Variants in TPD52 observed in about 807,000 individuals in gnomAD.
The protein encoded by TPD52 is prostate and colon associated protein.
Under a neutral mutation model 31.3 loss-of-function variants are expected in TPD52, and 17 were observed. That is an observed-to-expected ratio of 0.54 (90% CI 0.37 to 0.82). The LOEUF (loss-of-function observed/expected upper bound fraction) is 0.82, where lower values mean the gene tolerates loss of function less well. TPD52 is among the 40% of genes least tolerant of loss of function. The pLI, the probability that TPD52 is intolerant of heterozygous loss-of-function variation, is 0.00. For synonymous variants in TPD52, 83 were observed against 89.6 expected, an observed-to-expected ratio of 0.93 and a Z score of 0.42; for missense variants, 212 against 240.1, an observed-to-expected ratio of 0.88 and a Z score of 0.77.
At chr8:80,107,073 G>C (rs1807185508) in intron 1 of TPD52, among the ~76,000 whole-genome samples, 2 of 151,926 alleles carry the variant, frequency 1.3e-5, no homozygotes, top group Admixed American at 1.3e-4. Context: ...GAATTGTCTA[G>C]ATCTCCTGAC....
chr8:80,169,566 A>C (rs901888420), intron 1 of TPD52, among the ~76,000 whole-genome samples: 1 of 152,222 alleles, frequency 6.6e-6, no homozygotes, highest in Non-Finnish European at 1.5e-5. Flanking sequence ...CACAAACACT[A>C]CTAAAACTAG....
intron 2 of TPD52, among the ~76,000 whole-genome samples, chr8:80,062,601 G>A (rs1361394813): frequency 6.6e-6 from 1 of 152,078 alleles, no homozygotes; most frequent in Non-Finnish European, 1.5e-5. Context: ...CAGGGATGTG[G>A]GGAAATTGCT....
chr8:80,076,352 C>A (rs1223780276), intron 1 of TPD52, among the ~76,000 whole-genome samples: 7 of 152,142 alleles, frequency 4.6e-5, no homozygotes, highest in Non-Finnish European at 1.0e-4. Flanking sequence ...CTATCCTTTG[C>A]AAGAACATGG....
chr8:80,104,939 A>C (rs1022783121), intron 1 of TPD52, among the ~76,000 whole-genome samples: 2 of 152,032 alleles, frequency 1.3e-5, no homozygotes, highest in African/African-American at 4.8e-5. Flanking sequence ...GCACACCTGT[A>C]ATCCCAGCTA....
chr8:80,141,695 A>G (rs1809837867), intron 1 of TPD52, among the ~76,000 whole-genome samples: 1 of 152,146 alleles, frequency 6.6e-6, no homozygotes, highest in African/African-American at 2.4e-5. Flanking sequence ...GCAGAACACA[A>G]GGTCAGGAGA....
intron 1 of TPD52, among the ~76,000 whole-genome samples, chr8:80,081,336 A>T (rs1049661403): frequency 6.6e-6 from 1 of 152,122 alleles, no homozygotes; most frequent in African/African-American, 2.4e-5. Context: ...GGACTGGGCC[A>T]CAGCTAGCTT....
At chr8:80,157,122 T>C (rs1811027355) in intron 1 of TPD52, among the ~76,000 whole-genome samples, 1 of 152,134 alleles carries the variant, frequency 6.6e-6, no homozygotes, top group Non-Finnish European at 1.5e-5. Context: ...TCATCAGACT[T>C]CACTACTTTT....
At chr8:80,129,755 A>C (rs59250042) in intron 1 of TPD52, among the ~76,000 whole-genome samples, 24,191 of 144,100 alleles carry the variant, frequency 0.17, 3,226 homozygotes, top group African/African-American at 0.37. Flanking sequence ...GCTGGAGTGC[A>C]GTGGCGCGAT....
intron 1 of TPD52, among the ~76,000 whole-genome samples, chr8:80,099,326 C>T (rs990134103): frequency 6.6e-6 from 1 of 152,166 alleles, no homozygotes; most frequent in African/African-American, 2.4e-5. Context: ...TAGACAATCG[C>T]CTGACCAACT....
At chr8:80,043,097 A>G (rs1040466195) in intron 6 of TPD52, among the ~76,000 whole-genome samples, 2 of 152,226 alleles carry the variant, frequency 1.3e-5, no homozygotes, top group Non-Finnish European at 2.9e-5. Context: ...CAGAATTTCT[A>G]CATGAACACA....
intron 1 of TPD52, among the ~76,000 whole-genome samples, chr8:80,144,120 T>C (rs116493857): frequency 0.02 from 3,114 of 152,250 alleles, 103 homozygotes; most frequent in African/African-American, 0.07. Flanking sequence ...CAACCAGAAC[T>C]TTCACCTTCT....
At chr8:80,121,636 C>T (rs922288110) in intron 1 of TPD52, among the ~76,000 whole-genome samples, 5 of 152,208 alleles carry the variant, frequency 3.3e-5, no homozygotes, top group African/African-American at 1.2e-4. Context: ...AAACTCTGTA[C>T]ATCTGTTACA....
At chr8:80,129,729 A>G (rs1159269219) in intron 1 of TPD52, among the ~76,000 whole-genome samples, 1 of 127,352 alleles carries the variant, frequency 7.9e-6, no homozygotes, top group African/African-American at 3.1e-5. Flanking sequence ...TTTGAGACGG[A>G]GTCTCCATCA....
intron 1 of TPD52, among the ~76,000 whole-genome samples, chr8:80,151,364 A>AT (rs1810555849): frequency 6.6e-6 from 1 of 152,234 alleles, no homozygotes; most frequent in South Asian, 2.1e-4. Context: ...ACAAAAGTAT[A>AT]TTTTACCTCT....
intron 1 of TPD52, among the ~76,000 whole-genome samples, chr8:80,166,610 T>G (rs897314162): frequency 6.6e-6 from 1 of 151,702 alleles, no homozygotes; most frequent in Admixed American, 6.6e-5. Flanking sequence ...ATAAGAAATT[T>G]TGTGATTTGT....
At chr8:80,127,792 ACAC>A (rs1808724785) in intron 1 of TPD52, 1 of 10,560 alleles carries the variant, frequency 9.5e-5, no homozygotes, top group South Asian at 3.6e-3. Flanking sequence ...AAATAAACAC[ACAC>A]ACACACACAC....
downstream of TPD52, chr8:80,033,327 G>T (rs1809740694): frequency 9.7e-6 from 1 of 103,004 alleles, no homozygotes; most frequent in Non-Finnish European, 2.0e-5. Flanking sequence ...TTGGGGGGGG[G>T]ACATTGTTGG....
chr8:80,073,501 A>G (rs1814169713), intron 1 of TPD52, among the ~76,000 whole-genome samples: 1 of 152,254 alleles, frequency 6.6e-6, no homozygotes, highest in South Asian at 2.1e-4. Flanking sequence ...CCTACGGTCC[A>G]GTCTATTGTA....
rs773143608 is a variant in TPD52, at chr8:80,038,144, A to G, written c.596T>C (p.Leu199Pro). 2.8e-5 allele frequency: 46 copies of G among 1,614,154 alleles called. 1 individual carries two copies. The Middle Eastern group carries it at 8.2e-4, about 29-fold the overall frequency. Reference sequence around the variant, plus strand: ...CAGGCTCTCCTGTGTCTTTTCTGGAAGAGGCTCCGTGGTGGTGGCACTAGC... The same window carrying G: ...CAGGCTCTCCTGTGTCTTTTCTGGAGGAGGCTCCGTGGTGGTGGCACTAGC... ...ANASATTTEPLPEKTQESL is the reference protein window; with the variant it reads ...ANASATTTEPPPEKTQESL The change falls in exon 8 of 8, where the codon CTT (leucine) becomes CCT (proline). Residue 199 changes from leucine (L) to proline (P), a missense_variant. Physicochemically the swap from Leu to Pro is moderately conservative, Grantham distance 98 (BLOSUM62 -3). Transcript: ENST00000518937.
Sources: allele counts gnomAD v4.1 joint callset (sites outside exome capture counted in the v4.1 genomes callset), GRCh38; gene constraint gnomAD v4.1.1; transcripts MANE v1.5; gene names NCBI Gene and HGNC (gene_info 2026-07-23, HGNC 2026-07-21).